The following DLG2 variants were observed in gnomAD, a reference collection of about 807,000 sequenced individuals.
DLG2 encodes discs large MAGUK scaffold protein 2, also known as disks large homolog 2.
DLG2 carries 45 observed loss-of-function variants against 132.5 expected under a neutral mutation model. The ratio of observed to expected loss-of-function variants is 0.34; its 90% confidence interval spans 0.27 to 0.44. DLG2 has a LOEUF of 0.44. Among genes scored for constraint, DLG2 ranks in the 20% least tolerant of loss-of-function variants. The pLI, the probability that DLG2 is intolerant of heterozygous loss-of-function variation, is 1.00. For missense variants in DLG2, 1,045 were observed against 1,196.9 expected, an observed-to-expected ratio of 0.87 and a Z score of 1.87; for synonymous variants, 424 against 419.6, an observed-to-expected ratio of 1.01 and a Z score of -0.13.
At chr11:84,353,788 C>T (rs970468389) in intron 7 of DLG2, among the ~76,000 whole-genome samples, 1 of 152,116 alleles carries the variant, frequency 6.6e-6, no homozygotes, top group Non-Finnish European at 1.5e-5. Flanking sequence ...GAATGCAAAG[C>T]CTGATTCCTC....
intron 7 of DLG2, among the ~76,000 whole-genome samples, chr11:84,469,847 C>A (rs555228015): frequency 2.6e-5 from 4 of 151,684 alleles, no homozygotes; most frequent in African/African-American, 9.6e-5. Context: ...TGCTGAACAA[C>A]AGAGATACAT....
intron 6 of DLG2, among the ~76,000 whole-genome samples, chr11:84,590,859 C>T (rs935248124): frequency 5.9e-5 from 9 of 152,086 alleles, no homozygotes; most frequent in South Asian, 2.1e-4. Context: ...TTAAAGCCTA[C>T]GATGGGTGAT....
intron 18 of DLG2, among the ~76,000 whole-genome samples, chr11:83,706,394 C>T (rs946349951): frequency 2.6e-5 from 4 of 151,944 alleles, no homozygotes; most frequent in Admixed American, 1.3e-4. Context: ...GTTAAGGCAG[C>T]GGCTGAATGA....
chr11:84,600,172 G>GAAAA (rs2099572840), intron 6 of DLG2, among the ~76,000 whole-genome samples: 2 of 120,624 alleles, frequency 1.7e-5, no homozygotes, highest in South Asian at 3.0e-4. Context: ...AAGAAAGAAA[G>GAAAA]AAAGAAAGAA....
At position 84,174,014 on chromosome 11, in the gene DLG2, C is replaced by CTT. The variant is rs11338428; in HGVS notation, c.574-10505_574-10504dup. On this transcript the variant is annotated intron_variant, in intron 8 of 27. Coordinates refer to ENST00000376104, the MANE Select transcript of DLG2 (RefSeq NM_001142699.3). ...CTGAGTTTTGACTTCACCCCCCGGC[C>CTT]TTTTTTTTTTTTTTTTTTTTTTCTG... Among the ~76,000 whole-genome samples, 85 of 61,198 alleles carry CTT rather than the reference C, an allele frequency of 1.4e-3. 13 individuals are homozygous for CTT. The highest frequency in any genetic ancestry group is 4.9e-3 in the African/African-American group (76 of 15,358). 40.1% of individuals were successfully genotyped at this position (61,198 alleles called of 152,430 possible).
intron 8 of DLG2, among the ~76,000 whole-genome samples, chr11:84,228,949 C>T (rs939112944): frequency 3.3e-5 from 5 of 152,070 alleles, no homozygotes; most frequent in Admixed American, 2.0e-4. Flanking sequence ...ATGAGGTCCA[C>T]AATCATATCT....
intron 9 of DLG2, among the ~76,000 whole-genome samples, chr11:84,120,313 G>T (rs191356507): frequency 1.2e-4 from 19 of 152,192 alleles, no homozygotes; most frequent in Admixed American, 1.2e-3. Flanking sequence ...AAAAGGGTAG[G>T]CATTGAATCA....
chr11:84,532,160 T>A lies in DLG2; in HGVS notation c.519+2410A>T, dbSNP rs926598227. ...TTTTTTTACTGTAACCGGGCTAGCA[T>A]CCCTCATAATTATAATAGCACTAAT... is the stretch of plus-strand genomic sequence containing the variant. On this transcript the variant is annotated intron_variant, in intron 7 of 27. Coordinates refer to ENST00000376104, the MANE Select transcript of DLG2 (RefSeq NM_001142699.3). 6.3e-4 allele frequency among the ~76,000 whole-genome samples: 83 copies of A among 130,754 alleles called. 1 individual carries two copies. Among genetic ancestry groups the A allele is most frequent in the Non-Finnish European group, 1.1e-4 (7 of 63,466 alleles). 85.8% of individuals were successfully genotyped at this position (130,754 alleles called of 152,430 possible).
At chr11:84,714,597 CTTTCTCTTTCTCTT>C (rs1565749672) in intron 6 of DLG2, among the ~76,000 whole-genome samples, 5 of 109,998 alleles carry the variant, frequency 4.5e-5, no homozygotes, top group African/African-American at 2.2e-4. Context: ...CTTTCTCTTT[CTTTCTCTTTCTCTT>C]TCTCTTTCTC....
chr11:83,838,922 G>A (rs996922831), intron 16 of DLG2, among the ~76,000 whole-genome samples: 4 of 152,192 alleles, frequency 2.6e-5, no homozygotes, highest in African/African-American at 9.7e-5. Flanking sequence ...ATAAAAATGG[G>A]AGAGAGTAAG....
chr11:83,733,149 G>A (rs1169983960), intron 18 of DLG2, among the ~76,000 whole-genome samples: 1 of 145,344 alleles, frequency 6.9e-6, no homozygotes. Flanking sequence ...GCTGAGGCAG[G>A]AGAATCACTT....
intron 6 of DLG2, among the ~76,000 whole-genome samples, chr11:84,885,343 T>C (rs1234772019): frequency 2.0e-5 from 3 of 152,026 alleles, no homozygotes; most frequent in South Asian, 4.1e-4. Flanking sequence ...TACAGAATAA[T>C]TTTTTTAAGA....
intron 9 of DLG2, among the ~76,000 whole-genome samples, chr11:84,153,311 G>T (rs996799896): frequency 6.6e-6 from 1 of 152,128 alleles, no homozygotes; most frequent in Non-Finnish European, 1.5e-5. Flanking sequence ...TGATGACTTT[G>T]TTTCTTGGGG....
chr11:84,495,633 C>G (rs1187853633), intron 7 of DLG2, among the ~76,000 whole-genome samples: 1 of 152,098 alleles, frequency 6.6e-6, no homozygotes, highest in Admixed American at 6.6e-5. Flanking sequence ...TGGGAAAACT[C>G]TGGTTGCCCT....
intron 18 of DLG2, among the ~76,000 whole-genome samples, chr11:83,718,198 C>G (rs190935907): frequency 1.1e-4 from 16 of 152,210 alleles, no homozygotes; most frequent in Non-Finnish European, 2.2e-4. Context: ...GGAGTAGAGA[C>G]GGCTTCTCAG....
intron 4 of DLG2, among the ~76,000 whole-genome samples, chr11:85,236,461 A>G (rs1466476371): frequency 6.6e-6 from 1 of 151,820 alleles, no homozygotes; most frequent in Non-Finnish European, 1.5e-5. Flanking sequence ...TATGCAAGGC[A>G]CCCCTGGTGT....
intron 6 of DLG2, among the ~76,000 whole-genome samples, chr11:84,845,682 CTT>C (rs11411513): frequency 4.3e-4 from 60 of 138,716 alleles, no homozygotes; most frequent in African/African-American, 3.9e-4. Context: ...GATCGTCACT[CTT>C]TTTTTTTTTT....
intron 3 of DLG2, among the ~76,000 whole-genome samples, chr11:85,364,874 CT>C (rs369527759): frequency 1.8e-4 from 27 of 146,324 alleles, no homozygotes; most frequent in Admixed American, 2.1e-4. Context: ...TCCTTCTGAG[CT>C]TTTTTTTTTG....
At chr11:83,553,166 T>C (rs1025504354) in intron 19 of DLG2, among the ~76,000 whole-genome samples, 1 of 152,136 alleles carries the variant, frequency 6.6e-6, no homozygotes, top group African/African-American at 2.4e-5. Context: ...CTTCAGAAAA[T>C]TGCCTCATCT....
Sources: allele counts gnomAD v4.1 joint callset (sites outside exome capture counted in the v4.1 genomes callset), GRCh38; gene constraint gnomAD v4.1.1; transcripts MANE v1.5; gene names NCBI Gene and HGNC (gene_info 2026-07-23, HGNC 2026-07-21).